ATXN10: variants seen among roughly 807,000 people sequenced by gnomAD.
ATXN10 encodes ataxin-10.
Under a neutral mutation model 52.9 loss-of-function variants are expected in ATXN10, and 28 were observed. That is an observed-to-expected ratio of 0.53 (90% CI 0.39 to 0.73). ATXN10 has a LOEUF of 0.73. ATXN10 is among the 30% of genes least tolerant of loss of function. ATXN10 has a pLI of 0.00. For missense variants in ATXN10, 565 were observed against 577.0 expected, an observed-to-expected ratio of 0.98 and a Z score of 0.21; for synonymous variants, 226 against 221.5, an observed-to-expected ratio of 1.02 and a Z score of -0.18.
chr22:45,839,912 T>C (rs760035934), intron 10 of ATXN10, among the ~76,000 whole-genome samples: 26 of 152,252 alleles, frequency 1.7e-4, no homozygotes, highest in Non-Finnish European at 2.6e-4. Context: ...AGTGCCGCCA[T>C]GGCCCCACCC....
rs150496259 is a variant in ATXN10, at chr22:45,694,736, C to T, written c.391+1658C>T. On this transcript the variant is annotated intron_variant, in intron 3 of 11. Transcript: ENST00000252934. ...GATGGAGGTTGTAGTGAGCCGAGATCGTGCCATTGCACTCCAGCCTGGGTG... is the reference window on the plus strand; with the variant it reads ...GATGGAGGTTGTAGTGAGCCGAGATTGTGCCATTGCACTCCAGCCTGGGTG... Among the ~76,000 whole-genome samples, 489 of 151,456 alleles carry T rather than the reference C, an allele frequency of 3.2e-3. 4 individuals carry two copies. Among genetic ancestry groups the T allele is most frequent in the African/African-American group, 0.011 (463 of 41,234 alleles).
intron 10 of ATXN10, among the ~76,000 whole-genome samples, chr22:45,821,607 CTCA>C (rs1421759178): frequency 1.3e-5 from 2 of 152,142 alleles, no homozygotes; most frequent in Non-Finnish European, 2.9e-5. Context: ...AATAGTCTCT[CTCA>C]TCCATCTTAG....
chr22:45,707,160 A>G (rs1461972665), intron 5 of ATXN10, among the ~76,000 whole-genome samples: 1 of 151,954 alleles, frequency 6.6e-6, no homozygotes, highest in Non-Finnish European at 1.5e-5. Context: ...TAAAAAATCT[A>G]TTTTTCCATA....
In ATXN10 at chr22:45,820,973, A is replaced by C. The variant is rs532314335; in HGVS notation, c.1237+13951A>C. On this transcript the variant is annotated intron_variant, in intron 10 of 11. Transcript: ENST00000252934. This position sits in a 1 kb window ranked among gnomAD's most constrained non-coding sequence, Gnocchi z 4.9. ...CTTGCCTTTAAGATTTTTCACCTGA[A>C]TATGACGAGACTTAACTTTTACAAG... Among the ~76,000 whole-genome samples, 2 of 152,304 alleles carry C rather than the reference A, an allele frequency of 1.3e-5. No individual in the cohort carries two copies. The highest frequency in any genetic ancestry group is 4.8e-5 in the African/African-American group (2 of 41,558).
intron 9 of ATXN10, among the ~76,000 whole-genome samples, chr22:45,802,027 A>G (rs1179555894): frequency 3.3e-5 from 5 of 152,168 alleles, no homozygotes; most frequent in African/African-American, 1.2e-4. Context: ...GGTTTTCCCA[A>G]AGGAGCTTGG....
chr22:45,706,958 T>C (rs573022329), intron 5 of ATXN10, among the ~76,000 whole-genome samples: 4 of 152,352 alleles, frequency 2.6e-5, no homozygotes, highest in Non-Finnish European at 4.4e-5. Context: ...CTTTTCATTA[T>C]TGAAAGTGAA....
At chr22:45,674,625 C>T (rs1381336789) in intron 1 of ATXN10, 4 of 152,178 alleles carry the variant, frequency 2.6e-5, no homozygotes, top group Admixed American at 2.6e-4. Context: ...CTAGTATGAA[C>T]AGGAACACAG....
intron 10 of ATXN10, among the ~76,000 whole-genome samples, chr22:45,836,378 C>T (rs984762422): frequency 1.3e-5 from 2 of 152,220 alleles, no homozygotes; most frequent in African/African-American, 4.8e-5. Context: ...CTTCAGATGT[C>T]CTGTCCCAGG....
intron 10 of ATXN10, among the ~76,000 whole-genome samples, chr22:45,817,600 C>T (rs895762287): frequency 1.3e-5 from 2 of 152,118 alleles, no homozygotes; most frequent in Non-Finnish European, 2.9e-5. Flanking sequence ...GCTGGGATTA[C>T]AGGCGTGAGC....
At chr22:45,806,873 G>C (rs1211903052) in intron 9 of ATXN10, 86 bp from the exon 10 acceptor site, 1 of 1,059,634 alleles carries the variant, frequency 9.4e-7, no homozygotes, top group Admixed American at 1.7e-5. Flanking sequence ...CATTGAGTAA[G>C]AAAACACAAA....
intron 9 of ATXN10, among the ~76,000 whole-genome samples, chr22:45,741,589 T>G (rs1019982038): frequency 2.0e-5 from 3 of 152,160 alleles, no homozygotes; most frequent in African/African-American, 7.2e-5. Context: ...CCTCAGTTTC[T>G]TACTTGCCCA....
At chr22:45,738,562 T>A (rs1925387723) in intron 7 of ATXN10, 169 bp from the exon 8 acceptor site, 4 of 594,838 alleles carry the variant, frequency 6.7e-6, no homozygotes, top group Non-Finnish European at 1.2e-5. Flanking sequence ...GTCGTGTACA[T>A]ATTTCATACT....
chr22:45,672,353 T>G (rs1922492443), intron 1 of ATXN10, 174 bp downstream of exon 1: 2 of 644,742 alleles, frequency 3.1e-6, no homozygotes. Flanking sequence ...CACCGCCTCG[T>G]GCTCGTGGGT....
At chr22:45,710,535 T>C (rs570700301) in intron 5 of ATXN10, among the ~76,000 whole-genome samples, 4 of 152,360 alleles carry the variant, frequency 2.6e-5, no homozygotes, top group African/African-American at 7.2e-5. Context: ...TGTTTATTGT[T>C]GGTTGCTAGA....
At chr22:45,779,644 T>C (rs1033959519) in intron 9 of ATXN10, among the ~76,000 whole-genome samples, 12 of 152,220 alleles carry the variant, frequency 7.9e-5, no homozygotes, top group African/African-American at 2.7e-4. Context: ...GCTCTTCCTT[T>C]GGTACATAAC....
chr22:45,723,817 G>A (rs899934738), intron 6 of ATXN10, among the ~76,000 whole-genome samples: 3 of 152,134 alleles, frequency 2.0e-5, no homozygotes, highest in Non-Finnish European at 2.9e-5. Context: ...TTAGCCAGGC[G>A]TGGTGGCGCT....
At chr22:45,801,082 C>T (rs1015181233) in intron 9 of ATXN10, among the ~76,000 whole-genome samples, 14 of 152,238 alleles carry the variant, frequency 9.2e-5, no homozygotes, top group South Asian at 2.1e-4. Flanking sequence ...GAGGGCAGTG[C>T]GTTAGGTTTC....
In ATXN10 at chr22:45,823,042, T is replaced by A. The variant is rs1050788075; in HGVS notation, c.1237+16020T>A. 1.1e-5 allele frequency: 4 copies of A among 370,234 alleles called. No individual in the cohort carries two copies. The highest frequency in any genetic ancestry group is 6.4e-5 in the South Asian group (3 of 46,526). The allele number at this position is 370,234 out of a possible 1,614,324, so 22.9% of individuals were successfully genotyped here. A position where few individuals can be genotyped will look rare whatever the true frequency, so the allele number is the denominator to read the frequency against. On this transcript the variant is annotated intron_variant, in intron 10 of 11. Transcript: ENST00000252934. The surrounding 1 kb of genome is among the most constrained non-coding windows in gnomAD (Gnocchi z 4.9). ...TTGTTCTTACTTTCCTCATGGTGTC[T>A]TATTATTTCATTGAGGTATAACTTA...
chr22:45,726,381 A>G (rs1924871991), intron 6 of ATXN10, among the ~76,000 whole-genome samples: 1 of 152,078 alleles, frequency 6.6e-6, no homozygotes. Flanking sequence ...TTTCTGATTC[A>G]AGCTAGGAGG....
Sources: allele counts gnomAD v4.1 joint callset (sites outside exome capture counted in the v4.1 genomes callset), GRCh38; gene constraint gnomAD v4.1.1; non-coding constraint Gnocchi (gnomAD v3.1); transcripts MANE v1.5; gene names NCBI Gene and HGNC (gene_info 2026-07-23, HGNC 2026-07-21).